The following SHANK2 variants were observed in gnomAD, a reference collection of about 807,000 sequenced individuals.
The protein encoded by SHANK2 is SH3 and multiple ankyrin repeat domains 2.
SHANK2 carries 43 observed loss-of-function variants against 133.7 expected under a neutral mutation model. The ratio of observed to expected loss-of-function variants is 0.32; its 90% CI spans 0.25 to 0.41. SHANK2 has a LOEUF of 0.41. Among genes scored for constraint, SHANK2 ranks in the 10% least tolerant of loss-of-function variants. The pLI, the probability that SHANK2 is intolerant of heterozygous loss-of-function variation, is 1.00. For synonymous variants in SHANK2, 1,017 were observed against 952.8 expected (o/e 1.07, Z -1.24); for missense variants, 1,994 against 2,235.8 (o/e 0.89, Z 2.18).
At chr11:70,726,105 C>G (rs1946176700) in intron 14 of SHANK2, among the ~76,000 whole-genome samples, 1 of 152,178 alleles carries the variant, frequency 6.6e-6, no homozygotes, top group Non-Finnish European at 1.5e-5. Context: ...TTGGTAAGTG[C>G]ATTGAGGACT....
intron 10 of SHANK2, among the ~76,000 whole-genome samples, chr11:70,939,005 C>T (rs562784854): frequency 1.3e-4 from 20 of 152,120 alleles, no homozygotes; most frequent in African/African-American, 4.6e-4. Flanking sequence ...ACTAGGGCGC[C>T]GGAACTATGG....
At chr11:70,748,032 G>C (rs908496951) in intron 14 of SHANK2, among the ~76,000 whole-genome samples, 3 of 148,684 alleles carry the variant, frequency 2.0e-5, no homozygotes, top group East Asian at 1.9e-4. Context: ...GAGCTGAAAC[G>C]GGGGTTATCT....
At chr11:70,908,083 G>A (rs1281429501) in intron 10 of SHANK2, 3 of 244,650 alleles carry the variant, frequency 1.2e-5, no homozygotes, top group Non-Finnish European at 2.5e-5. Flanking sequence ...GCAACAGAGT[G>A]AGAGTCCATC....
At chr11:70,824,915 T>C (rs1487171036) in intron 11 of SHANK2, among the ~76,000 whole-genome samples, 1 of 152,070 alleles carries the variant, frequency 6.6e-6, no homozygotes, top group Non-Finnish European at 1.5e-5. Flanking sequence ...ACTGTATTGG[T>C]GTGAGAGCCA....
intron 1 of SHANK2, among the ~76,000 whole-genome samples, chr11:71,248,801 C>T (rs1948130342): frequency 1.3e-5 from 2 of 152,118 alleles, no homozygotes; most frequent in Non-Finnish European, 2.9e-5. Context: ...GTTTGTATCC[C>T]CCCACCCCAC....
At chr11:70,548,545 T>C (rs1364979003) in intron 17 of SHANK2, among the ~76,000 whole-genome samples, 4 of 152,178 alleles carry the variant, frequency 2.6e-5, no homozygotes, top group Admixed American at 6.5e-5. Context: ...CTCTCTGTCC[T>C]TCCCCTTCCA....
intron 17 of SHANK2, among the ~76,000 whole-genome samples, chr11:70,591,388 G>C (rs782680830): frequency 1.3e-4 from 20 of 151,618 alleles, no homozygotes; most frequent in Non-Finnish European, 2.1e-4. Flanking sequence ...AGAAAAAAAA[G>C]AAAAAAGAAG....
At chr11:70,630,388 G>A (rs945151491) in intron 17 of SHANK2, among the ~76,000 whole-genome samples, 5 of 152,210 alleles carry the variant, frequency 3.3e-5, no homozygotes. Flanking sequence ...GGCGGGGCCA[G>A]GAAGAGATCT....
chr11:70,693,627 T>C (rs1945333737), intron 15 of SHANK2, among the ~76,000 whole-genome samples: 1 of 152,230 alleles, frequency 6.6e-6, no homozygotes, highest in Non-Finnish European at 1.5e-5. Flanking sequence ...CTTTACTAAT[T>C]AGACTGTAAT....
At chr11:70,908,618 C>A (rs1231892846) in intron 10 of SHANK2, among the ~76,000 whole-genome samples, 1 of 152,186 alleles carries the variant, frequency 6.6e-6, no homozygotes, top group African/African-American at 2.4e-5. Context: ...CCGAAGGCTG[C>A]ACAGCAACCT....
chr11:71,172,927 T>G (rs1953348668), intron 2 of SHANK2, among the ~76,000 whole-genome samples: 1 of 152,208 alleles, frequency 6.6e-6, no homozygotes, highest in African/African-American at 2.4e-5. Context: ...AAATTCGTGC[T>G]CCTTCAAAGA....
At chr11:70,481,475 G>A (rs1387066026) in intron 25 of SHANK2, among the ~76,000 whole-genome samples, 1 of 152,176 alleles carries the variant, frequency 6.6e-6, no homozygotes, top group African/African-American at 2.4e-5. Context: ...AGGATGAGAG[G>A]AACTTTAAAA....
chr11:71,244,306 G>A (rs1253621369), intron 1 of SHANK2, among the ~76,000 whole-genome samples: 1 of 152,222 alleles, frequency 6.6e-6, no homozygotes, highest in Non-Finnish European at 1.5e-5. Context: ...GCTGTCTGAA[G>A]CCCCTGACTA....
chr11:70,845,056 A>G (rs1948973945), intron 11 of SHANK2, among the ~76,000 whole-genome samples: 1 of 151,790 alleles, frequency 6.6e-6, no homozygotes, highest in African/African-American at 2.4e-5. Flanking sequence ...AAAATTAGCC[A>G]GGTGTGGTGG....
At chr11:71,131,218 C>T (rs200190937) in intron 3 of SHANK2, among the ~76,000 whole-genome samples, 82 of 152,308 alleles carry the variant, frequency 5.4e-4, no homozygotes, top group Admixed American at 3.1e-3. Flanking sequence ...CTTCTTACTG[C>T]GGACAGAGGC....
chr11:71,180,888 G>A lies in SHANK2; in HGVS notation c.-12-33550C>T, dbSNP rs1413870640. 2.6e-5 allele frequency among the ~76,000 whole-genome samples: 4 copies of A among 151,928 alleles called. No homozygotes were observed. In the East Asian group the frequency reaches 7.8e-4, roughly 30 times the overall value. ...CGGACAGTCCCTCCCCTCCACCAAC[G>A]CCCACGAGGCACAGCCCCGTCCGGC... On this transcript the variant is annotated intron_variant, in intron 2 of 25. Coordinates refer to ENST00000601538, the MANE Select transcript of SHANK2 (RefSeq NM_012309.5).
intron 17 of SHANK2, among the ~76,000 whole-genome samples, chr11:70,519,116 G>C (rs2059299669): frequency 1.3e-5 from 2 of 152,024 alleles, no homozygotes; most frequent in Non-Finnish European, 2.9e-5. Context: ...TTCCTGTGTT[G>C]GCCAGGCTGG....
intron 17 of SHANK2, among the ~76,000 whole-genome samples, chr11:70,638,213 C>G (rs533738148): frequency 1.3e-5 from 2 of 152,212 alleles, no homozygotes; most frequent in African/African-American, 4.8e-5. Context: ...GGAACAGGCT[C>G]GGCATAGAAT....
intron 5 of SHANK2, 78 bp downstream of exon 5, chr11:71,113,215 G>T: frequency 2.3e-6 from 3 of 1,289,396 alleles, no homozygotes; most frequent in Non-Finnish European, 3.3e-6. Flanking sequence ...GAAGAGGAGC[G>T]TCTAAAGATA....
Sources: gnomAD v4.1 joint callset for allele counts (sites outside exome capture counted in the v4.1 genomes callset) on GRCh38, gnomAD v4.1.1 for gene constraint, MANE v1.5 for transcripts, NCBI Gene and HGNC (gene_info 2026-07-23, HGNC 2026-07-21) for gene names.